The following KCNQ4 variants were observed in gnomAD, a reference collection of about 807,000 sequenced individuals.
KCNQ4 encodes potassium voltage-gated channel subfamily Q member 4.
KCNQ4 carries 31 observed loss-of-function variants against 72.6 expected under a neutral mutation model. That is an observed-to-expected ratio of 0.43 (90% confidence interval 0.32 to 0.58). The LOEUF (loss-of-function observed/expected upper bound fraction) is 0.58. Ranked by LOEUF, KCNQ4 falls within the 20% of genes least tolerant of loss-of-function variation. The pLI is 0.08. For synonymous variants in KCNQ4, 405 were observed against 403.7 expected (o/e 1.00, Z -0.04); for missense variants, 869 against 962.6 (o/e 0.90, Z 1.29).
intron 9 of KCNQ4, among the ~76,000 whole-genome samples, chr1:40,828,866 C>T (rs1294948278): frequency 6.6e-6 from 1 of 152,268 alleles, no homozygotes; most frequent in African/African-American, 2.4e-5. Context: ...CCTGGGAAAA[C>T]AGTGCCTTCT....
In KCNQ4 at chr1:40,824,084, C is replaced by G. The variant is rs1236931600; in HGVS notation, c.1131-13C>G. 1 of 1,550,234 alleles carries G rather than the reference C, an allele frequency of 6.5e-7. No homozygotes were observed. The highest frequency in any genetic ancestry group is 2.0e-5 in the Admixed American group (1 of 51,132). On this transcript the variant is annotated splice_polypyrimidine_tract_variant and intron_variant, in intron 8 of 13. Coordinates refer to ENST00000347132, the MANE Select transcript of KCNQ4 (RefSeq NM_004700.4). Reference sequence around the variant, plus strand: ...ATGGCCCTGCCTGCCACTGATGGTGCCCTCTCCTGCAGAGAGCTGGCCCTC... The same window carrying G: ...ATGGCCCTGCCTGCCACTGATGGTGGCCTCTCCTGCAGAGAGCTGGCCCTC...
At chr1:40,785,180 G>A (rs1036267962) in intron 1 of KCNQ4, among the ~76,000 whole-genome samples, 6 of 152,052 alleles carry the variant, frequency 3.9e-5, no homozygotes, top group Non-Finnish European at 8.8e-5. Flanking sequence ...CACTGACGCT[G>A]CTGGGGCCCC....
Position 40,837,761 on chromosome 1 carries a change from C to G in KCNQ4, c.1842C>G (p.Ser614Arg). ...PSDAEVVDEISMMGRVVKVEK... is the reference protein window; with the variant it reads ...PSDAEVVDEIRMMGRVVKVEK... Reference sequence around the variant, plus strand: ...ACGCGGAGGTGGTGGATGAAATCAGCATGATGGGACGCGTGGTCAAGGTGG... The same window carrying G: ...ACGCGGAGGTGGTGGATGAAATCAGGATGATGGGACGCGTGGTCAAGGTGG... The change falls in exon 13 of 14, where the codon AGC becomes AGG. Residue 614 changes from serine (S) to arginine (R), a missense_variant. Physicochemically the swap from Ser to Arg is moderately radical, Grantham distance 110 (BLOSUM62 -1). This residue lies in a region of KCNQ4 where 480 missense variants were observed against 501.9 expected (regional missense o/e 0.96). Coordinates refer to ENST00000347132, the MANE Select transcript of KCNQ4 (RefSeq NM_004700.4). The G allele has an allele frequency of 1.2e-6, 2 of 1,611,560 alleles. No individual in the cohort carries two copies. The highest frequency in any genetic ancestry group is 1.7e-6 in the Non-Finnish European group (2 of 1,179,090).
chr1:40,818,323 T>TGACCCCA (rs761325851), intron 3 of KCNQ4, 33 bp downstream of exon 3: 1 of 1,610,874 alleles, frequency 6.2e-7, no homozygotes, highest in Non-Finnish European at 8.5e-7. Context: ...ACCTGACCCC[T>TGACCCCA]GACCCCAGGA....
Position 40,786,558 on chromosome 1 carries a change from C to A in KCNQ4, c.314+2151C>A, listed in dbSNP as rs373633807. On this transcript the variant is annotated intron_variant, in intron 1 of 13. Transcript: ENST00000347132. ...GGGAAGAAGTATGGTGTGAAAGTGT[C>A]CTGGTGTTTAAGGATCTCAGGGAAT... is the stretch of plus-strand genomic sequence containing the variant. 4.1e-4 allele frequency among the ~76,000 whole-genome samples: 62 copies of A among 152,270 alleles called. 1 individual carries two copies. Among genetic ancestry groups the A allele is most frequent in the African/African-American group, 1.4e-3 (60 of 41,542 alleles).
In KCNQ4 at chr1:40,838,359, C is replaced by T; in HGVS notation, c.1924C>T (p.Arg642Cys). 1.2e-6 allele frequency: 2 copies of T among 1,613,982 alleles called. No individual in the cohort carries two copies. Among genetic ancestry groups the T allele is most frequent in the Non-Finnish European group, 1.7e-6 (2 of 1,179,934 alleles). Reference protein sequence around the residue: ...KLDLLLGFYSRCLRSGTSASL... With the variant: ...KLDLLLGFYSCCLRSGTSASL... ...GGACCTGCTGTTGGGCTTCTATTCGCGCTGCCTGCGCTCTGGCACCTCGGC... is the reference window on the plus strand; with the variant it reads ...GGACCTGCTGTTGGGCTTCTATTCGTGCTGCCTGCGCTCTGGCACCTCGGC... The change falls in exon 14 of 14, where the codon CGC (arginine) becomes TGC (cysteine). Residue 642 changes from arginine (R) to cysteine (C), a missense_variant. Around this residue, in one of 5 missense-constraint regions of KCNQ4, gnomAD observed 480 missense variants for 501.9 expected, o/e 0.96. Coordinates refer to ENST00000347132, the MANE Select transcript of KCNQ4 (RefSeq NM_004700.4).
chr1:40,811,313 G>T (rs1170600906), intron 1 of KCNQ4, among the ~76,000 whole-genome samples: 10 of 152,174 alleles, frequency 6.6e-5, no homozygotes, highest in African/African-American at 2.4e-4. Context: ...TGTGGAGAAG[G>T]CGGTGATTGC....
chr1:40,826,554 G>A (rs897704453), intron 9 of KCNQ4: 16 of 413,882 alleles, frequency 3.9e-5, no homozygotes, highest in Non-Finnish European at 6.1e-5. Flanking sequence ...ACCGGAGGCC[G>A]GCCCCATCCC....
rs192402200 is a variant in KCNQ4, at chr1:40,815,668, C to T, written c.315-1597C>T. 1.6e-4 allele frequency among the ~76,000 whole-genome samples: 25 copies of T among 152,320 alleles called. No individual in the cohort carries two copies. The East Asian group carries it at 4.4e-3, about 27-fold the overall frequency. ...ATAACACTTTACCGACATCTGCCAC[C>T]TACCTTCTCAAACCAGGGGTATTTG... On this transcript the variant is annotated intron_variant, in intron 1 of 13. Coordinates refer to ENST00000347132, the MANE Select transcript of KCNQ4 (RefSeq NM_004700.4).
chr1:40,819,990 G>T lies in KCNQ4; in HGVS notation c.945+5G>T. ...TCTTTCTTTGCCCTGCCTGCCGTGA[G>T]TTGCCTCCTGCTCAGTTGGTGGGGG... is the stretch of plus-strand genomic sequence containing the variant. On this transcript the variant is annotated splice_donor_5th_base_variant and intron_variant, in intron 6 of 13. Coordinates refer to ENST00000347132, the MANE Select transcript of KCNQ4 (RefSeq NM_004700.4). 4 of 1,612,062 alleles carry T rather than the reference G, an allele frequency of 2.5e-6. No individual in the cohort carries two copies. The highest frequency in any genetic ancestry group is 3.4e-6 in the Non-Finnish European group (4 of 1,178,130).
At position 40,794,832 on chromosome 1, in the gene KCNQ4, G is replaced by A. The variant is rs1470081920; in HGVS notation, c.314+10425G>A. Among the ~76,000 whole-genome samples the A allele has an allele frequency of 2.6e-5, 4 of 152,246 alleles. No individual in the cohort carries two copies. The highest frequency in any genetic ancestry group is 3.4e-3 in the Middle Eastern group (1 of 294). ...AATCCCTGAGTCTGGGCGCCATCCC[G>A]GCTCCTCCCCACTGAGCTGTGGAGC... is the stretch of plus-strand genomic sequence containing the variant. On this transcript the variant is annotated intron_variant, in intron 1 of 13. Coordinates refer to ENST00000347132, the MANE Select transcript of KCNQ4 (RefSeq NM_004700.4). The surrounding 1 kb of genome is among the most constrained non-coding windows in gnomAD (Gnocchi z 4.2).
rs893361691 is a variant in KCNQ4, at chr1:40,788,421, T to C, written c.314+4014T>C. On this transcript the variant is annotated intron_variant, in intron 1 of 13. Transcript: ENST00000347132. The surrounding 1 kb of genome is among the most constrained non-coding windows in gnomAD (Gnocchi z 4.5). ...GCCACCGGGCTTGGCTCTTGGAGTC[T>C]GAAATGAAATCTCTGGTTGTGTGTG... is the stretch of plus-strand genomic sequence containing the variant. 6.6e-6 allele frequency among the ~76,000 whole-genome samples: 1 copy of C among 152,230 alleles called. No homozygotes were observed. Among genetic ancestry groups the C allele is most frequent in the Non-Finnish European group, 1.5e-5 (1 of 68,050 alleles).
At position 40,797,880 on chromosome 1, in the gene KCNQ4, G is replaced by A. The variant is rs77200909; in HGVS notation, c.314+13473G>A. ...GAGCTGGGAGCTGGTGGTGTGTGGG[G>A]GTGGCCTTGGAAGCAGAGAGGGTGG... On this transcript the variant is annotated intron_variant, in intron 1 of 13. Transcript: ENST00000347132. Among the ~76,000 whole-genome samples the A allele has an allele frequency of 3.7e-3, 564 of 152,228 alleles. 7 individuals are homozygous for A. The highest frequency in any genetic ancestry group is 0.013 in the African/African-American group (538 of 41,522).
chr1:40,793,381 C>G (rs1647327975), intron 1 of KCNQ4, among the ~76,000 whole-genome samples: 1 of 152,174 alleles, frequency 6.6e-6, no homozygotes, highest in South Asian at 2.1e-4. Flanking sequence ...TCTGCCTCCT[C>G]TTTCTGCCCC....
Position 40,784,452 on chromosome 1 carries a change from C to A in KCNQ4, c.314+45C>A. ...CCCTTCCGCGTTTCCCCGCGCAAGC[C>A]TGGCCTCCCGGGGCACGGCCGCCCC... On this transcript the variant is annotated intron_variant, in intron 1 of 13. Transcript: ENST00000347132. The surrounding 1 kb of genome is among the most constrained non-coding windows in gnomAD (Gnocchi z 4.1). 1.3e-6 allele frequency: 2 copies of A among 1,584,458 alleles called. No individual in the cohort carries two copies. Among genetic ancestry groups the A allele is most frequent in the Non-Finnish European group, 1.7e-6 (2 of 1,164,036 alleles).
At chr1:40,823,955 T>C in intron 8 of KCNQ4, 142 bp from the exon 9 acceptor site, 1 of 903,042 alleles carries the variant, frequency 1.1e-6, no homozygotes, top group Non-Finnish European at 1.8e-6. Context: ...CTGTCCACCC[T>C]GTCCTATTCT....
chr1:40,837,060 C>A (rs1364895914), intron 12 of KCNQ4, among the ~76,000 whole-genome samples: 1 of 150,788 alleles, frequency 6.6e-6, no homozygotes, highest in Non-Finnish European at 1.5e-5. Context: ...TTCCCCTTTT[C>A]CCCAATCCAT....
At chr1:40,808,982 G>A (rs1647847089) in intron 1 of KCNQ4, among the ~76,000 whole-genome samples, 1 of 151,948 alleles carries the variant, frequency 6.6e-6, no homozygotes, top group African/African-American at 2.4e-5. Flanking sequence ...TTCTGGGCCT[G>A]TTCTGGTCTT....
chr1:40,819,498 C>G, intron 5 of KCNQ4, 26 bp downstream of exon 5: 4 of 1,612,962 alleles, frequency 2.5e-6, no homozygotes, highest in Non-Finnish European at 1.7e-6. Flanking sequence ...TGTAGGGCTG[C>G]CCTTCTCCCT....
Sources: allele counts gnomAD v4.1 joint callset (sites outside exome capture counted in the v4.1 genomes callset), GRCh38; gene constraint gnomAD v4.1.1; regional missense constraint gnomAD v4.1.1; non-coding constraint Gnocchi (gnomAD v3.1); transcripts MANE v1.5; gene names NCBI Gene and HGNC (gene_info 2026-07-23, HGNC 2026-07-21).